Variants in PIP5K1B observed in about 807,000 individuals in gnomAD.
The protein encoded by PIP5K1B is phosphatidylinositol-4-phosphate 5-kinase type 1 beta.
PIP5K1B carries 42 observed loss-of-function variants against 67.0 expected under a neutral mutation model. The ratio of observed to expected loss-of-function variants is 0.63; its 90% CI spans 0.49 to 0.81. The LOEUF is 0.81. Among genes scored for constraint, PIP5K1B ranks in the 30% least tolerant of loss-of-function variants. The pLI is 0.00. For missense variants in PIP5K1B, 459 were observed against 646.3 expected (o/e 0.71, Z 3.14); for synonymous variants, 214 against 231.4 (o/e 0.92, Z 0.68).
intron 4 of PIP5K1B, among the ~76,000 whole-genome samples, chr9:68,834,860 C>T (rs1204649441): frequency 6.6e-6 from 1 of 152,140 alleles, no homozygotes; most frequent in African/African-American, 2.4e-5. Context: ...ATCCTGAAGT[C>T]CCCTCATCTG....
intron 14 of PIP5K1B, among the ~76,000 whole-genome samples, chr9:68,976,639 T>G (rs1003328181): frequency 1.3e-5 from 2 of 152,214 alleles, no homozygotes; most frequent in Middle Eastern, 3.2e-3. Context: ...TTCCATGGAT[T>G]GGACGGCAGA....
chr9:68,973,170 C>G (rs1413616488), intron 14 of PIP5K1B, among the ~76,000 whole-genome samples: 1 of 152,186 alleles, frequency 6.6e-6, no homozygotes, highest in African/African-American at 2.4e-5. Flanking sequence ...GCTCCCGCAA[C>G]AGCTCAGACG....
chr9:68,706,935 T>C (rs1048706295), intron 1 of PIP5K1B, among the ~76,000 whole-genome samples: 3 of 152,216 alleles, frequency 2.0e-5, no homozygotes, highest in Non-Finnish European at 2.9e-5. Flanking sequence ...ATTAGGACTC[T>C]AATGTGATGA....
At chr9:68,950,465 A>G (rs1828004212) in intron 14 of PIP5K1B, among the ~76,000 whole-genome samples, 1 of 152,208 alleles carries the variant, frequency 6.6e-6, no homozygotes, top group African/African-American at 2.4e-5. Flanking sequence ...GAGCTTGTCC[A>G]TACCCATTCA....
intron 1 of PIP5K1B, among the ~76,000 whole-genome samples, chr9:68,728,278 A>G (rs2151412): frequency 0.8 from 120,897 of 152,048 alleles, 48,423 homozygotes; most frequent in South Asian, 0.86. Context: ...TGACAGATCC[A>G]GTGTCTGGTG....
At chr9:68,991,068 T>C (rs1336620085) in intron 14 of PIP5K1B, 72 bp from the exon 15 acceptor site, 5 of 864,026 alleles carry the variant, frequency 5.8e-6, no homozygotes, top group Non-Finnish European at 6.0e-6. Flanking sequence ...CTCACCCTCT[T>C]TAGGACTTTG....
chr9:68,906,476 T>C (rs1271100871), intron 8 of PIP5K1B, among the ~76,000 whole-genome samples: 2 of 152,208 alleles, frequency 1.3e-5, no homozygotes, highest in African/African-American at 4.8e-5. Context: ...ATTCATGAAT[T>C]GATATATAAC....
chr9:68,839,490 TTCC>T lies in PIP5K1B; in HGVS notation c.69+16808_69+16810del, dbSNP rs548660037. Among the ~76,000 whole-genome samples the T allele has an allele frequency of 4.0e-3, 614 of 152,280 alleles. 1 individual carries two copies. Among genetic ancestry groups the T allele is most frequent in the Non-Finnish European group, 6.6e-3 (449 of 68,024 alleles). On this transcript the variant is annotated intron_variant, in intron 4 of 15. Transcript: ENST00000265382. ...CAAAGGCAATAATATCTTGCATATT[TTCC>T]CACCCTCCCTTAAACACCCTGTGGA...
chr9:68,792,759 G>T (rs967839581), intron 2 of PIP5K1B, among the ~76,000 whole-genome samples: 1 of 152,162 alleles, frequency 6.6e-6, no homozygotes, highest in South Asian at 2.1e-4. Flanking sequence ...GATTACAGGC[G>T]TGAGCCACTG....
intron 2 of PIP5K1B, among the ~76,000 whole-genome samples, chr9:68,764,705 A>G (rs563813996): frequency 6.6e-5 from 10 of 152,216 alleles, no homozygotes; most frequent in African/African-American, 2.4e-4. Context: ...AAAAAGTAAT[A>G]ATGCTAGCAA....
At chr9:68,906,582 C>CA (rs1185998264) in intron 8 of PIP5K1B, among the ~76,000 whole-genome samples, 2 of 152,202 alleles carry the variant, frequency 1.3e-5, no homozygotes, top group African/African-American at 4.8e-5. Flanking sequence ...CTGGACAGAT[C>CA]AATTGTCCAT....
At chr9:68,861,994 T>G (rs976368179) in intron 4 of PIP5K1B, among the ~76,000 whole-genome samples, 1 of 151,830 alleles carries the variant, frequency 6.6e-6, no homozygotes, top group Non-Finnish European at 1.5e-5. Flanking sequence ...TAAAAGGGCA[T>G]GTGAAAAAAG....
chr9:68,954,551 G>T (rs1828282368), intron 14 of PIP5K1B, among the ~76,000 whole-genome samples: 1 of 152,198 alleles, frequency 6.6e-6, no homozygotes, highest in Non-Finnish European at 1.5e-5. Context: ...AAATCAGTAT[G>T]TTTCTGATTG....
intron 2 of PIP5K1B, chr9:68,782,909 C>G (rs1831381001): frequency 6.0e-6 from 1 of 167,080 alleles, no homozygotes; most frequent in African/African-American, 2.4e-5. Context: ...ACTATGGAAG[C>G]ATCTTTGACT....
At chr9:68,782,995 TCTC>T (rs1436794816) in intron 2 of PIP5K1B, 1 of 167,128 alleles carries the variant, frequency 6.0e-6, no homozygotes, top group African/African-American at 2.4e-5. Context: ...TTTCTTCCCT[TCTC>T]TATCTGTTGC....
At chr9:68,972,888 A>G (rs1368504850) in intron 14 of PIP5K1B, among the ~76,000 whole-genome samples, 1 of 152,238 alleles carries the variant, frequency 6.6e-6, no homozygotes, top group East Asian at 1.9e-4. Context: ...TGCTCCAGGG[A>G]CCAGGAGACA....
intron 15 of PIP5K1B, among the ~76,000 whole-genome samples, chr9:68,994,238 C>T (rs563936645): frequency 2.6e-5 from 4 of 151,930 alleles, no homozygotes; most frequent in East Asian, 1.9e-4. Context: ...GACGGGGTTT[C>T]GCCATGTTGG....
chr9:68,912,741 C>T (rs960321787), intron 8 of PIP5K1B, among the ~76,000 whole-genome samples: 40 of 152,268 alleles, frequency 2.6e-4, no homozygotes, highest in African/African-American at 8.2e-4. Context: ...GACTGAACCA[C>T]CCTGCAGCCA....
At chr9:68,789,134 G>T in intron 2 of PIP5K1B, 1 of 581,564 alleles carries the variant, frequency 1.7e-6, no homozygotes, top group South Asian at 1.5e-5. Flanking sequence ...AGGCCTCATT[G>T]TTGGTGTATT....
Sources: allele counts gnomAD v4.1 joint callset (sites outside exome capture counted in the v4.1 genomes callset), GRCh38; gene constraint gnomAD v4.1.1; transcripts MANE v1.5; gene names NCBI Gene and HGNC (gene_info 2026-07-23, HGNC 2026-07-21).